The following STK33 variants were observed in gnomAD, a reference collection of about 807,000 sequenced individuals.
STK33 encodes the protein serine/threonine kinase 33.
In STK33, 52 loss-of-function variants were observed where a neutral mutation model predicts 58.0. That is an observed-to-expected ratio of 0.90 (90% CI 0.72 to 1.13). STK33 has a LOEUF of 1.13. Among genes scored for constraint, STK33 ranks in the 50% most tolerant of loss-of-function variants. The probability of loss-of-function intolerance (pLI) is 0.00; values close to 1 mark genes in which losing one functional copy is unlikely to be tolerated. For missense variants in STK33, 630 were observed against 604.2 expected (o/e 1.04, Z -0.45); for synonymous variants, 215 against 200.1 (o/e 1.07, Z -0.63).
At chr11:8,512,802 C>T (rs948372633) in intron 1 of STK33, among the ~76,000 whole-genome samples, 1 of 152,148 alleles carries the variant, frequency 6.6e-6, no homozygotes, top group African/African-American at 2.4e-5. Flanking sequence ...ACTACTTTCA[C>T]TCTGATCAAA....
intron 1 of STK33, among the ~76,000 whole-genome samples, chr11:8,576,586 A>ATT (rs747891009): frequency 6.6e-6 from 1 of 152,190 alleles, no homozygotes; most frequent in Non-Finnish European, 1.5e-5. Flanking sequence ...ACTGAATAAT[A>ATT]ATAGCTAACA....
intron 6 of STK33, 98 bp downstream of exon 6, chr11:8,473,065 C>T (rs946744973): frequency 5.6e-6 from 4 of 713,946 alleles, no homozygotes; most frequent in South Asian, 2.5e-5. Flanking sequence ...TCTTTACTTC[C>T]TTTCCTTAGA....
At chr11:8,578,418 T>C (rs981710795) in intron 1 of STK33, among the ~76,000 whole-genome samples, 1 of 152,068 alleles carries the variant, frequency 6.6e-6, no homozygotes, top group Non-Finnish European at 1.5e-5. Flanking sequence ...TGGAATACTA[T>C]GCAGCAATTT....
chr11:8,508,597 T>A (rs1226901685), intron 1 of STK33, among the ~76,000 whole-genome samples: 1 of 152,100 alleles, frequency 6.6e-6, no homozygotes. Flanking sequence ...TCTATTCTAT[T>A]CCTCTTTTAA....
At position 8,496,583 on chromosome 11, in the gene STK33, T is replaced by G. The variant is rs186118492; in HGVS notation, c.-465-15969A>C. On this transcript the variant is annotated intron_variant, in intron 1 of 15. Transcript: ENST00000687296. Reference sequence around the variant, plus strand: ...ATAAGCCTGTGTGATATTTCATTTTTTTTTTTTTTGAGATGGAGTCTCACT... The same window carrying G: ...ATAAGCCTGTGTGATATTTCATTTTGTTTTTTTTTGAGATGGAGTCTCACT... Among the ~76,000 whole-genome samples, 459 of 152,058 alleles carry G rather than the reference T, an allele frequency of 3.0e-3. 1 individual carries two copies. The highest frequency in any genetic ancestry group is 0.011 in the African/African-American group (436 of 41,458).
intron 14 of STK33, among the ~76,000 whole-genome samples, chr11:8,430,713 T>A (rs1467660611): frequency 6.6e-6 from 1 of 152,164 alleles, no homozygotes; most frequent in Non-Finnish European, 1.5e-5. Flanking sequence ...GTGGGCAACC[T>A]GTGGGCAGGG....
intron 1 of STK33, among the ~76,000 whole-genome samples, chr11:8,550,283 T>G (rs181912215): frequency 1.3e-5 from 2 of 152,208 alleles, no homozygotes; most frequent in East Asian, 3.9e-4. Context: ...CTTTTGTAAT[T>G]TTTTTTAGTC....
At chr11:8,588,019 G>C (rs2031990093) in intron 1 of STK33, among the ~76,000 whole-genome samples, 1 of 152,174 alleles carries the variant, frequency 6.6e-6, no homozygotes, top group African/African-American at 2.4e-5. Flanking sequence ...CTGATGCTTG[G>C]TGGGGGTACT....
At chr11:8,499,895 G>C (rs1951379488) in intron 1 of STK33, among the ~76,000 whole-genome samples, 1 of 151,968 alleles carries the variant, frequency 6.6e-6, no homozygotes, top group South Asian at 2.1e-4. Context: ...ACAGGGAGGG[G>C]AACATCACAC....
chr11:8,507,116 T>G lies in STK33; in HGVS notation c.-465-26502A>C, dbSNP rs908601271. 3.3e-4 allele frequency among the ~76,000 whole-genome samples: 50 copies of G among 152,304 alleles called. 1 individual carries two copies. Among genetic ancestry groups the G allele is most frequent in the African/African-American group, 1.1e-3 (46 of 41,560 alleles). ...GTCCATTTTCCAGATTTACCTAATT[T>G]CAGGGATCTGAAATACAAAAAAAGA... is the stretch of plus-strand genomic sequence containing the variant. On this transcript the variant is annotated intron_variant, in intron 1 of 15. Transcript: ENST00000687296.
chr11:8,401,283 G>T lies in STK33; in HGVS notation c.1345-8573C>A, dbSNP rs1220792831. Among the ~76,000 whole-genome samples the T allele has an allele frequency of 3.9e-5, 6 of 152,042 alleles. No individual in the cohort carries two copies. In the East Asian group the frequency reaches 1.2e-3, roughly 29 times the overall value. ...TACCAAAACAGAGATATAGACCAAT[G>T]GAACAGAACAGAGCCCTCAGAAATA... On this transcript the variant is annotated intron_variant, in intron 15 of 15. Coordinates refer to ENST00000687296, the MANE Select transcript of STK33 (RefSeq NM_001352389.2).
intron 1 of STK33, among the ~76,000 whole-genome samples, chr11:8,537,044 C>T (rs1955087568): frequency 8.4e-6 from 1 of 119,316 alleles, no homozygotes; most frequent in Non-Finnish European, 1.6e-5. Flanking sequence ...GCAGTGGCTC[C>T]ATCTCGGGTC....
intron 1 of STK33, among the ~76,000 whole-genome samples, chr11:8,552,877 G>C (rs1378379397): frequency 6.6e-6 from 1 of 151,816 alleles, no homozygotes; most frequent in East Asian, 1.9e-4. Flanking sequence ...TATATGCTGG[G>C]TGATGGCTCA....
chr11:8,449,615 C>G (rs1405654224), intron 11 of STK33, among the ~76,000 whole-genome samples: 1 of 140,594 alleles, frequency 7.1e-6, no homozygotes, highest in Non-Finnish European at 1.5e-5. Context: ...GGGAACATCA[C>G]ACACTGGGGC....
the STK33 span, among the ~76,000 whole-genome samples, chr11:8,340,261 A>G: frequency 6.6e-6 from 1 of 152,212 alleles, no homozygotes; most frequent in African/African-American, 2.4e-5. Flanking sequence ...TTCTATGTCT[A>G]GTACAACTCA....
the STK33 span, among the ~76,000 whole-genome samples, chr11:8,375,447 T>TA: frequency 1.1e-4 from 16 of 152,330 alleles, no homozygotes; most frequent in Admixed American, 9.1e-4. Flanking sequence ...GAACTTGTGT[T>TA]AATTTAAGTA....
the STK33 span, among the ~76,000 whole-genome samples, chr11:8,381,905 C>T: frequency 1.6e-4 from 25 of 152,230 alleles, no homozygotes; most frequent in African/African-American, 3.6e-4. Flanking sequence ...GAAACAGACA[C>T]GTTGCATGTC....
chr11:8,425,803 A>G (rs1181088885), intron 14 of STK33, among the ~76,000 whole-genome samples: 1 of 152,038 alleles, frequency 6.6e-6, no homozygotes, highest in Non-Finnish European at 1.5e-5. Context: ...TTGAAAAGGG[A>G]AAAGTTCCCT....
chr11:8,516,105 C>A (rs1591573943), intron 1 of STK33, among the ~76,000 whole-genome samples: 1 of 152,136 alleles, frequency 6.6e-6, no homozygotes, highest in South Asian at 2.1e-4. Context: ...ATTGCTAAAG[C>A]AATCTTAAGA....
Sources: allele counts gnomAD v4.1 joint callset (sites outside exome capture counted in the v4.1 genomes callset), GRCh38; gene constraint gnomAD v4.1.1; transcripts MANE v1.5; gene names NCBI Gene and HGNC (gene_info 2026-07-23, HGNC 2026-07-21).